Variants in MTUS2 observed in about 807,000 individuals in gnomAD.
MTUS2 encodes the protein microtubule-associated tumor suppressor candidate 2.
Under a neutral mutation model 114.1 loss-of-function variants are expected in MTUS2, and 40 were observed. The observed-to-expected ratio is 0.35, with a 90% CI of 0.27 to 0.46. The LOEUF (loss-of-function observed/expected upper bound fraction) is 0.46. Ranked by LOEUF, MTUS2 falls within the 20% of genes least tolerant of loss-of-function variation. The pLI is 1.00. For missense variants in MTUS2, 1,679 were observed against 1,705.4 expected (o/e 0.98, Z 0.27); for synonymous variants, 688 against 672.0 (o/e 1.02, Z -0.37).
intron 2 of MTUS2, among the ~76,000 whole-genome samples, chr13:29,007,246 A>AT (rs1212840281): frequency 9.2e-5 from 14 of 152,076 alleles, no homozygotes; most frequent in Non-Finnish European, 1.6e-4. Flanking sequence ...AAATTTTTAA[A>AT]TTTTTATTAT....
At chr13:29,007,771 T>C (rs977727931) in intron 2 of MTUS2, among the ~76,000 whole-genome samples, 2 of 152,218 alleles carry the variant, frequency 1.3e-5, no homozygotes, top group East Asian at 1.9e-4. Context: ...TTTACTTTAT[T>C]GTAATAACAT....
chr13:28,834,852 C>G (rs1402595407), intron 1 of MTUS2, among the ~76,000 whole-genome samples: 1 of 151,880 alleles, frequency 6.6e-6, no homozygotes, highest in East Asian at 1.9e-4. Context: ...ATAAAGACAA[C>G]CCAATTAAAA....
intron 5 of MTUS2, among the ~76,000 whole-genome samples, chr13:29,154,330 T>A (rs1892775388): frequency 6.6e-6 from 1 of 152,216 alleles, no homozygotes; most frequent in South Asian, 2.1e-4. Context: ...TTTTCAAGTG[T>A]TTAAAAGCAA....
intron 2 of MTUS2, among the ~76,000 whole-genome samples, chr13:28,867,134 G>T (rs1382803138): frequency 6.6e-6 from 1 of 152,130 alleles, no homozygotes; most frequent in Non-Finnish European, 1.5e-5. Flanking sequence ...ATGTAAGCTG[G>T]TCTAATCTTG....
intron 5 of MTUS2, among the ~76,000 whole-genome samples, chr13:29,174,023 C>T (rs971997160): frequency 6.6e-6 from 1 of 152,098 alleles, no homozygotes; most frequent in African/African-American, 2.4e-5. Flanking sequence ...CATATTGTGA[C>T]ATTGTGCTTG....
intron 9 of MTUS2, among the ~76,000 whole-genome samples, chr13:29,469,949 C>CAA (rs1249095567): frequency 6.6e-6 from 1 of 152,088 alleles, no homozygotes; most frequent in East Asian, 1.9e-4. Context: ...TCTGTGTTCT[C>CAA]AAAGTTTGGC....
At chr13:29,040,650 C>A (rs1020799004) in intron 4 of MTUS2, among the ~76,000 whole-genome samples, 9 of 152,148 alleles carry the variant, frequency 5.9e-5, no homozygotes, top group African/African-American at 2.2e-4. Context: ...TTGATTATGG[C>A]ATTCTTGCAG....
intron 4 of MTUS2, among the ~76,000 whole-genome samples, chr13:29,057,015 A>G (rs1487310930): frequency 2.0e-5 from 3 of 151,966 alleles, no homozygotes; most frequent in African/African-American, 7.3e-5. Flanking sequence ...TTTTGTTCTC[A>G]TTAGTTTCAA....
chr13:28,995,469 G>C (rs1264983038), intron 2 of MTUS2, among the ~76,000 whole-genome samples: 2 of 152,118 alleles, frequency 1.3e-5, no homozygotes, highest in Non-Finnish European at 2.9e-5. Flanking sequence ...GGATGGCATT[G>C]AATCTATAAA....
chr13:28,911,821 C>T (rs1409783634), intron 2 of MTUS2, among the ~76,000 whole-genome samples: 1 of 141,962 alleles, frequency 7.0e-6, no homozygotes, highest in Admixed American at 6.9e-5. Flanking sequence ...AACATCTGTT[C>T]ATATTCTTTG....
chr13:29,417,666 T>C lies in MTUS2; in HGVS notation c.3118-22317T>C, dbSNP rs565572915. On this transcript the variant is annotated intron_variant, in intron 8 of 15. Transcript: ENST00000612955. ...CTTTCCTAAATTAATCAACTCTTTATTATATTTTTGTTCTTTGTCCATTTA... is the reference window on the plus strand; with the variant it reads ...CTTTCCTAAATTAATCAACTCTTTACTATATTTTTGTTCTTTGTCCATTTA... Among the ~76,000 whole-genome samples, 5 of 152,316 alleles carry C rather than the reference T, an allele frequency of 3.3e-5. No individual in the cohort carries two copies. The East Asian group carries it at 9.6e-4, about 29-fold the overall frequency.
intron 9 of MTUS2, among the ~76,000 whole-genome samples, chr13:29,466,876 C>CAAAAAAAAAAAAAA (rs11296600): frequency 1.3e-4 from 11 of 87,596 alleles, no homozygotes; most frequent in South Asian, 3.8e-4. Context: ...GACCTCATCT[C>CAAAAAAAAAAAAAA]AAAAAAAAAA....
At chr13:28,995,043 G>T (rs1189303844) in intron 2 of MTUS2, among the ~76,000 whole-genome samples, 2 of 152,116 alleles carry the variant, frequency 1.3e-5, no homozygotes, top group East Asian at 1.9e-4. Flanking sequence ...GGTCTAACAT[G>T]TAAGTCTTTA....
chr13:28,853,381 C>T (rs559899381), intron 2 of MTUS2, among the ~76,000 whole-genome samples: 8 of 152,280 alleles, frequency 5.3e-5, no homozygotes, highest in South Asian at 4.2e-4. Context: ...CGGCAGTGGC[C>T]GGAGTGGATG....
chr13:28,911,232 A>G (rs1166167709), intron 2 of MTUS2, among the ~76,000 whole-genome samples: 4 of 136,530 alleles, frequency 2.9e-5, no homozygotes, highest in Admixed American at 7.8e-5. Flanking sequence ...CTGGAATGCA[A>G]TGGCACGATC....
intron 8 of MTUS2, among the ~76,000 whole-genome samples, chr13:29,399,737 G>A (rs1424946835): frequency 6.6e-6 from 1 of 152,058 alleles, no homozygotes; most frequent in African/African-American, 2.4e-5. Flanking sequence ...AATTGGAAGA[G>A]GCATTATTAA....
At chr13:29,347,593 A>G (rs554911954) in intron 7 of MTUS2, among the ~76,000 whole-genome samples, 1 of 151,794 alleles carries the variant, frequency 6.6e-6, no homozygotes, top group Admixed American at 6.6e-5. Flanking sequence ...GGGTTTCCAC[A>G]CCAAGCAATT....
intron 2 of MTUS2, among the ~76,000 whole-genome samples, chr13:28,869,142 G>C (rs1464763882): frequency 6.6e-6 from 1 of 152,228 alleles, no homozygotes; most frequent in Non-Finnish European, 1.5e-5. Context: ...ATTTGGAGCT[G>C]TTGAAGAGTT....
intron 2 of MTUS2, among the ~76,000 whole-genome samples, chr13:28,929,252 G>A (rs1881487166): frequency 6.6e-6 from 1 of 152,130 alleles, no homozygotes; most frequent in Non-Finnish European, 1.5e-5. Context: ...GTGTTTGATA[G>A]GCCAGTAGGG....
Sources: allele counts gnomAD v4.1 joint callset (sites outside exome capture counted in the v4.1 genomes callset), GRCh38; gene constraint gnomAD v4.1.1; transcripts MANE v1.5; gene names NCBI Gene and HGNC (gene_info 2026-07-23, HGNC 2026-07-21).